Variants in ANKRD6 observed in about 807,000 individuals in gnomAD.
The protein encoded by ANKRD6 is ankyrin repeat domain-containing protein 6.
ANKRD6 carries 56 observed loss-of-function variants against 82.3 expected under a neutral mutation model. The observed-to-expected ratio is 0.68, with a 90% CI of 0.55 to 0.85. ANKRD6 has a LOEUF of 0.85. Ranked by LOEUF, ANKRD6 falls within the 40% of genes least tolerant of loss-of-function variation. The pLI is 0.00. For synonymous variants in ANKRD6, 347 were observed against 352.1 expected (o/e 0.99, Z 0.16); for missense variants, 852 against 907.6 (o/e 0.94, Z 0.79).
At chr6:89,544,510 C>T (rs956972286) in intron 1 of ANKRD6, among the ~76,000 whole-genome samples, 1 of 152,052 alleles carries the variant, frequency 6.6e-6, no homozygotes, top group African/African-American at 2.4e-5. Context: ...GTCAGGAGAT[C>T]GAGACCATCC....
chr6:89,606,960 AG>A (rs1370270729), intron 5 of ANKRD6, among the ~76,000 whole-genome samples: 1 of 152,018 alleles, frequency 6.6e-6, no homozygotes, highest in Non-Finnish European at 1.5e-5. Flanking sequence ...ACTTGAGACC[AG>A]GCATTCAAGA....
At chr6:89,490,159 T>C (rs1777850095) in intron 1 of ANKRD6, among the ~76,000 whole-genome samples, 1 of 152,256 alleles carries the variant, frequency 6.6e-6, no homozygotes. Context: ...TTCAATTGCA[T>C]GCGCATTTGC....
Position 89,621,980 on chromosome 6 carries a change from A to G in ANKRD6, c.851A>G (p.Glu284Gly). The G allele has an allele frequency of 6.2e-7, 1 of 1,613,140 alleles. No individual in the cohort carries two copies. The change falls in exon 10 of 16, where the codon GAG becomes GGG. Residue 284 changes from glutamate (E) to glycine (G), a missense_variant. Transcript: ENST00000339746. The part of the protein sequence containing the change: ...LRKKRERLKE[E>G]RRAQSVPRDE... ...AAAAAGAGAGAGAGGCTCAAGGAAG[A>G]GAGGAGAGCCCAGTCTGTGCCAAGA...
At chr6:89,550,653 GA>G (rs1252198509) in intron 1 of ANKRD6, among the ~76,000 whole-genome samples, 1 of 152,066 alleles carries the variant, frequency 6.6e-6, no homozygotes, top group Non-Finnish European at 1.5e-5. Context: ...CTATATATTA[GA>G]ATTTTTTAAA....
chr6:89,487,402 G>A (rs552815497), intron 1 of ANKRD6, among the ~76,000 whole-genome samples: 17 of 152,234 alleles, frequency 1.1e-4, no homozygotes, highest in African/African-American at 4.1e-4. Context: ...TTTAAAATGT[G>A]GAATTTCTGA....
chr6:89,509,671 G>A (rs980246712), intron 1 of ANKRD6, among the ~76,000 whole-genome samples: 2 of 152,170 alleles, frequency 1.3e-5, no homozygotes, highest in Non-Finnish European at 1.5e-5. Flanking sequence ...TGCGGCATTA[G>A]CACTTGCCAG....
chr6:89,611,911 G>T lies in ANKRD6; in HGVS notation c.418-361G>T, dbSNP rs1800336628. On this transcript the variant is annotated intron_variant, in intron 5 of 15. Transcript: ENST00000339746. ...GTACTGTGCATGTGTCCAGCATTGT[G>T]TGTTAAGAAAACACCTTCCTAGACA... Among the ~76,000 whole-genome samples, 3 of 152,358 alleles carry T rather than the reference G, an allele frequency of 2.0e-5. 1 individual carries two copies. The South Asian group carries it at 6.2e-4, about 32-fold the overall frequency.
chr6:89,612,907 G>A (rs868159385), intron 6 of ANKRD6, among the ~76,000 whole-genome samples: 5 of 152,206 alleles, frequency 3.3e-5, no homozygotes, highest in African/African-American at 9.7e-5. Flanking sequence ...CCTTAGCCAC[G>A]TTGGCTAAAT....
chr6:89,450,620 C>T (rs1301471946), intron 1 of ANKRD6, among the ~76,000 whole-genome samples: 2 of 152,036 alleles, frequency 1.3e-5, no homozygotes, highest in African/African-American at 4.8e-5. Flanking sequence ...TGGGCTAAAA[C>T]AATCCTCCTG....
At chr6:89,474,934 G>A (rs895624421) in intron 1 of ANKRD6, among the ~76,000 whole-genome samples, 5 of 152,190 alleles carry the variant, frequency 3.3e-5, no homozygotes, top group Admixed American at 6.5e-5. Flanking sequence ...TAGACAGTGC[G>A]AAATCTAGTG....
chr6:89,592,787 G>GAC lies in ANKRD6; in HGVS notation c.121-3119_121-3118dup, dbSNP rs199793341. 9.6e-3 allele frequency among the ~76,000 whole-genome samples: 1,467 copies of GAC among 152,170 alleles called. 29 individuals carry two copies. The highest frequency in any genetic ancestry group is 0.033 in the African/African-American group (1,384 of 41,516). The stretch of plus-strand genomic sequence containing the variant: ...CAAGCACAGCAGGAGGATCTCTTGA[G>GAC]ACACACACACAAAAAAACGTTGCCA... On this transcript the variant is annotated intron_variant, in intron 2 of 15. Coordinates refer to ENST00000339746, the MANE Select transcript of ANKRD6 (RefSeq NM_001242809.2).
intron 1 of ANKRD6, among the ~76,000 whole-genome samples, chr6:89,438,617 T>G (rs1462950259): frequency 1.3e-5 from 2 of 152,202 alleles, no homozygotes; most frequent in Non-Finnish European, 2.9e-5. Context: ...ACTGGTCAAT[T>G]AAGTGTAACT....
chr6:89,574,970 T>G (rs1790773563), intron 2 of ANKRD6, among the ~76,000 whole-genome samples: 1 of 152,224 alleles, frequency 6.6e-6, no homozygotes, highest in African/African-American at 2.4e-5. Context: ...TTGTCCATTT[T>G]TATGCTTAGG....
rs953201752 is a variant in ANKRD6 at position 89,631,297 on chromosome 6, C to G, written c.*293C>G. The G allele has an allele frequency of 3.6e-6, 1 of 274,620 alleles. No individual in the cohort carries two copies. The highest frequency in any genetic ancestry group is 2.2e-5 in the African/African-American group (1 of 45,200). The allele number at this position is 274,620 out of a possible 1,614,324, so 17.0% of individuals were successfully genotyped here. A position where few individuals can be genotyped will look rare whatever the true frequency, so the allele number is the denominator to read the frequency against. On this transcript the variant is annotated 3_prime_UTR_variant, in exon 16 of 16. Transcript: ENST00000339746. ...AAAGCTCAGATTAAGCAAGCCATGC[C>G]AAGAAACTGGACGATGTGTAAGCCT...
chr6:89,464,434 A>G (rs1457298076), intron 1 of ANKRD6, among the ~76,000 whole-genome samples: 2 of 152,194 alleles, frequency 1.3e-5, no homozygotes, highest in African/African-American at 4.8e-5. Context: ...CCATACAGAA[A>G]TCCCAAGGTG....
intron 1 of ANKRD6, among the ~76,000 whole-genome samples, chr6:89,507,609 A>G (rs1238426646): frequency 2.6e-5 from 4 of 152,218 alleles, no homozygotes; most frequent in Non-Finnish European, 4.4e-5. Context: ...TGGTGGCCTC[A>G]TTGGAAGAAA....
intron 1 of ANKRD6, among the ~76,000 whole-genome samples, chr6:89,556,056 A>G (rs1249986361): frequency 2.0e-5 from 3 of 152,230 alleles, no homozygotes; most frequent in African/African-American, 7.2e-5. Context: ...GAGGAAGAGC[A>G]GTCCATAGAT....
chr6:89,578,085 A>C (rs1318832102), intron 2 of ANKRD6, among the ~76,000 whole-genome samples: 1 of 152,166 alleles, frequency 6.6e-6, no homozygotes, highest in Admixed American at 6.5e-5. Context: ...GTGGGCAGGC[A>C]GAAAACTCAG....
chr6:89,586,436 C>G (rs545530552), intron 2 of ANKRD6, among the ~76,000 whole-genome samples: 3 of 152,200 alleles, frequency 2.0e-5, no homozygotes, highest in Non-Finnish European at 4.4e-5. Flanking sequence ...CACCTGTAAT[C>G]CCAGCACTTT....
Sources: gnomAD v4.1 joint callset for allele counts (sites outside exome capture counted in the v4.1 genomes callset) on GRCh38, gnomAD v4.1.1 for gene constraint, MANE v1.5 for transcripts, NCBI Gene and HGNC (gene_info 2026-07-23, HGNC 2026-07-21) for gene names.